PZP: variants seen among roughly 807,000 people sequenced by gnomAD.
PZP encodes pregnancy zone protein.
Under a neutral mutation model 179.8 loss-of-function variants are expected in PZP, and 150 were observed. That is an observed-to-expected ratio of 0.83 (90% CI 0.73 to 0.96). PZP has a LOEUF of 0.96. Ranked by LOEUF, PZP falls within the 40% of genes least tolerant of loss-of-function variation. The pLI is 0.00. For missense variants in PZP, 1,689 were observed against 1,764.0 expected, an observed-to-expected ratio of 0.96 and a Z score of 0.76; for synonymous variants, 624 against 652.3, an observed-to-expected ratio of 0.96 and a Z score of 0.66.
At chr12:9,145,341 A>G (rs1051961757), downstream of PZP, among the ~76,000 whole-genome samples, 7 of 151,450 alleles carry the variant, frequency 4.6e-5, no homozygotes, top group Non-Finnish European at 1.0e-4. Context: ...TGTAACTTTT[A>G]TAGACTTTTT....
chr12:9,153,033 C>A, intron 30 of PZP, 82 bp from the exon 31 acceptor site: 3 of 1,604,580 alleles, frequency 1.9e-6, no homozygotes, highest in Non-Finnish European at 2.6e-6. Context: ...TCCAGAGGTG[C>A]CTTTTACTTT....
downstream of PZP, among the ~76,000 whole-genome samples, chr12:9,148,435 T>G (rs1434129270): frequency 2.6e-5 from 4 of 152,166 alleles, no homozygotes; most frequent in African/African-American, 9.7e-5. Flanking sequence ...TGTAGATGGT[T>G]TATCTAAATC....
chr12:9,159,599 G>C (rs1284689568), intron 25 of PZP, among the ~76,000 whole-genome samples: 1 of 151,904 alleles, frequency 6.6e-6, no homozygotes, highest in East Asian at 1.9e-4. Context: ...CATAAGAAGA[G>C]GAGGAGATGC....
chr12:9,207,882 G>C (rs991585127), intron 1 of PZP, among the ~76,000 whole-genome samples: 1 of 152,106 alleles, frequency 6.6e-6, no homozygotes, highest in Non-Finnish European at 1.5e-5. Context: ...AAAAATAAAG[G>C]AGCTATACTT....
intron 7 of PZP, among the ~76,000 whole-genome samples, chr12:9,200,154 G>A (rs1176139939): frequency 2.0e-5 from 3 of 152,024 alleles, no homozygotes; most frequent in South Asian, 4.2e-4. Flanking sequence ...GAAACAATAC[G>A]GAAAGATGTT....
chr12:9,192,339 T>C lies in PZP; in HGVS notation c.1483-83A>G. 8.5e-6 allele frequency: 12 copies of C among 1,403,810 alleles called. No individual in the cohort carries two copies. The South Asian group carries it at 1.4e-4, about 17-fold the overall frequency. 87.0% of individuals were successfully genotyped at this position (1,403,810 alleles called of 1,614,324 possible). A position where few individuals can be genotyped will look rare whatever the true frequency, so the allele number is the denominator to read the frequency against. On this transcript the variant is annotated intron_variant, in intron 12 of 35. Coordinates refer to ENST00000261336, the MANE Select transcript of PZP (RefSeq NM_002864.3). ...TATTCCCCACATGACCCACTTTCAG[T>C]TGTCAAGTCTGTGCTGGAGAGAATC...
the PZP span, among the ~76,000 whole-genome samples, chr12:9,142,318 A>C: frequency 6.6e-6 from 1 of 152,290 alleles, no homozygotes; most frequent in African/African-American, 2.4e-5. Context: ...TTTATTAAAA[A>C]ATTACACAAG....
rs756840574 is a variant in PZP, at chr12:9,196,426, A to G, written c.996T>C (p.Thr332=). Residue 332 remains threonine (T), a synonymous_variant, in exon 10 of 36, where the codon ACT becomes ACC. Coordinates refer to ENST00000261336, the MANE Select transcript of PZP (RefSeq NM_002864.3). ...TTGTGATTTCACTGATCCTGTTTGC[A>G]GTGACTTCCAGGTCTGAAAAATATA... ...IREEGTDLEV[T]ANRISEITNI... is the part of the protein sequence containing the mutation. The G allele has an allele frequency of 1.2e-6, 2 of 1,612,074 alleles. No homozygotes were observed. Among genetic ancestry groups the G allele is most frequent in the Admixed American group, 1.7e-5 (1 of 60,006 alleles).
intron 31 of PZP, 110 bp downstream of exon 31, chr12:9,152,714 A>G: frequency 1.7e-6 from 2 of 1,165,890 alleles, no homozygotes; most frequent in Non-Finnish European, 2.4e-6. Context: ...AGATATATCA[A>G]TTCTAAATTA....
intron 15 of PZP, among the ~76,000 whole-genome samples, chr12:9,175,242 G>T (rs981520155): frequency 6.6e-6 from 1 of 152,162 alleles, no homozygotes; most frequent in Non-Finnish European, 1.5e-5. Flanking sequence ...ATGGTGCTGG[G>T]AATGCTGGCT....
intron 15 of PZP, among the ~76,000 whole-genome samples, chr12:9,177,707 T>G (rs1194487737): frequency 2.6e-5 from 4 of 152,258 alleles, no homozygotes; most frequent in Non-Finnish European, 4.4e-5. Context: ...CTTAAACGTT[T>G]CTATAACTTT....
intron 10 of PZP, among the ~76,000 whole-genome samples, chr12:9,195,764 AT>A (rs1317544195): frequency 1.3e-5 from 2 of 151,504 alleles, no homozygotes; most frequent in Non-Finnish European, 2.9e-5. Context: ...AAATGTCTCA[AT>A]TTACTAATTA....
chr12:9,161,079 T>C lies in PZP; in HGVS notation c.2826A>G (p.Pro942=), dbSNP rs763169702. Residue 942 remains proline, a synonymous_variant, in exon 23 of 36, where the codon CCA becomes CCG. Transcript: ENST00000261336. ...NVSEQLSLKL[P]SNVVKESARA... is the part of the protein sequence containing the mutation. ...TGGCAGATTCTTTGACCACATTTGA[T>C]GGGAGCTTCAAGGACAACTGCTCAG... The C allele has an allele frequency of 1.9e-6, 3 of 1,603,786 alleles. No individual in the cohort carries two copies. The East Asian group carries it at 6.7e-5, about 36-fold the overall frequency.
At chr12:9,158,757 CTTTTTT>C (rs60888135) in intron 25 of PZP, among the ~76,000 whole-genome samples, 181 bp from the exon 26 acceptor site, 12 of 125,394 alleles carry the variant, frequency 9.6e-5, no homozygotes, top group Non-Finnish European at 1.1e-4. Context: ...CTTTTCTTTT[CTTTTTT>C]TTTTTTTTTT....
chr12:9,176,302 T>C (rs1439720430), intron 15 of PZP, among the ~76,000 whole-genome samples: 2 of 151,988 alleles, frequency 1.3e-5, no homozygotes, highest in East Asian at 3.9e-4. Context: ...TATTAGAAGG[T>C]AGGGTGTGGG....
At chr12:9,182,725 G>A (rs1315072763) in intron 13 of PZP, among the ~76,000 whole-genome samples, 3 of 152,310 alleles carry the variant, frequency 2.0e-5, no homozygotes, top group East Asian at 3.9e-4. Flanking sequence ...GGGCCACCAG[G>A]TAGCTACAAA....
At chr12:9,142,755 TCCAGGG>T in the PZP span, among the ~76,000 whole-genome samples, 38 of 152,288 alleles carry the variant, frequency 2.5e-4, no homozygotes, top group Middle Eastern at 3.4e-3. Context: ...GAAAATAATT[TCCAGGG>T]CCTAATAAAC....
At chr12:9,139,123 T>A in the PZP span, among the ~76,000 whole-genome samples, 4 of 152,256 alleles carry the variant, frequency 2.6e-5, no homozygotes, top group South Asian at 8.3e-4. Flanking sequence ...TAGTGTTTTT[T>A]ATTTTTGTTT....
intron 25 of PZP, among the ~76,000 whole-genome samples, 176 bp from the exon 26 acceptor site, chr12:9,158,752 C>CTTTTTTTTTTTTTT (rs200458490): frequency 2.5e-4 from 24 of 97,800 alleles, no homozygotes; most frequent in Non-Finnish European, 3.5e-4. Flanking sequence ...TTTTTCTTTT[C>CTTTTTTTTTTTTTT]TTTTCTTTTT....
Sources: allele counts gnomAD v4.1 joint callset (sites outside exome capture counted in the v4.1 genomes callset), GRCh38; gene constraint gnomAD v4.1.1; transcripts MANE v1.5; gene names NCBI Gene and HGNC (gene_info 2026-07-23, HGNC 2026-07-21).